Variants in CTNNA3 observed in about 807,000 individuals in gnomAD.
CTNNA3 encodes the protein catenin alpha 3.
In CTNNA3, 76 loss-of-function variants were observed where a neutral mutation model predicts 95.7. The observed-to-expected ratio is 0.79, with a 90% CI of 0.66 to 0.96. The LOEUF is 0.96. Among genes scored for constraint, CTNNA3 ranks in the 40% least tolerant of loss-of-function variants. CTNNA3 has a pLI of 0.00. For missense variants in CTNNA3, 1,191 were observed against 1,089.8 expected (o/e 1.09, Z -1.31); for synonymous variants, 431 against 374.4 (o/e 1.15, Z -1.74).
chr10:66,065,622 T>A (rs2080297893), intron 15 of CTNNA3, among the ~76,000 whole-genome samples: 1 of 152,092 alleles, frequency 6.6e-6, no homozygotes, highest in South Asian at 2.1e-4. Flanking sequence ...CTGCCCAGCA[T>A]CCTCCTTTGT....
chr10:66,181,075 G>C (rs2086015386), intron 13 of CTNNA3, among the ~76,000 whole-genome samples: 1 of 151,816 alleles, frequency 6.6e-6, no homozygotes, highest in Non-Finnish European at 1.5e-5. Context: ...ATCACTTAGA[G>C]GTAAGTGTGC....
intron 10 of CTNNA3, among the ~76,000 whole-genome samples, chr10:66,559,736 AACAC>A (rs1842495477): frequency 1.3e-5 from 2 of 151,960 alleles, no homozygotes; most frequent in Admixed American, 1.3e-4. Flanking sequence ...CATCTTTTAG[AACAC>A]AGTTTAAACC....
intron 14 of CTNNA3, among the ~76,000 whole-genome samples, chr10:66,102,093 A>G (rs2081656673): frequency 6.6e-6 from 1 of 152,154 alleles, no homozygotes; most frequent in African/African-American, 2.4e-5. Context: ...AAAACAGAGT[A>G]TGCGCCAGCC....
At chr10:66,169,710 C>T (rs117908552) in intron 13 of CTNNA3, among the ~76,000 whole-genome samples, 11,269 of 152,148 alleles carry the variant, frequency 0.074, 527 homozygotes, top group Admixed American at 0.12. Flanking sequence ...TTGATAATGG[C>T]CATTCTTGCA....
At chr10:67,735,905 C>T (rs1270172548) in intron 1 of CTNNA3, among the ~76,000 whole-genome samples, 1 of 151,884 alleles carries the variant, frequency 6.6e-6, no homozygotes, top group Admixed American at 6.6e-5. Flanking sequence ...AGAAATAATC[C>T]AATGATTAAT....
intron 7 of CTNNA3, among the ~76,000 whole-genome samples, chr10:66,936,509 T>C (rs1188918643): frequency 6.6e-6 from 1 of 152,148 alleles, no homozygotes; most frequent in African/African-American, 2.4e-5. Flanking sequence ...TTCTCTGTTG[T>C]TTTCTGCCTG....
chr10:67,284,332 A>C (rs1839511568), intron 5 of CTNNA3, among the ~76,000 whole-genome samples: 1 of 152,182 alleles, frequency 6.6e-6, no homozygotes, highest in Non-Finnish European at 1.5e-5. Flanking sequence ...AATTACATTT[A>C]GGAGTGAATT....
At chr10:66,592,418 G>T (rs1843583963) in intron 10 of CTNNA3, among the ~76,000 whole-genome samples, 1 of 152,174 alleles carries the variant, frequency 6.6e-6, no homozygotes, top group Admixed American at 6.5e-5. Context: ...AACCCTTTGT[G>T]TCAACCTCCT....
intron 17 of CTNNA3, among the ~76,000 whole-genome samples, chr10:65,959,111 C>G (rs933898790): frequency 6.6e-6 from 1 of 152,208 alleles, no homozygotes; most frequent in Non-Finnish European, 1.5e-5. Flanking sequence ...CCTCCCACAG[C>G]CTTGCTGCCA....
intron 13 of CTNNA3, among the ~76,000 whole-genome samples, chr10:66,231,851 A>G (rs893779471): frequency 1.3e-5 from 2 of 152,150 alleles, no homozygotes; most frequent in Admixed American, 6.6e-5. Context: ...TTAGCTGACA[A>G]ACAAAGCCCC....
chr10:66,274,969 C>T lies in CTNNA3; in HGVS notation c.1884+5501G>A, dbSNP rs570733935. 5.9e-5 allele frequency among the ~76,000 whole-genome samples: 9 copies of T among 151,708 alleles called. No individual in the cohort carries two copies. The South Asian group carries it at 8.3e-4, about 14-fold the overall frequency. On this transcript the variant is annotated intron_variant, in intron 13 of 17. Coordinates refer to ENST00000433211, the MANE Select transcript of CTNNA3 (RefSeq NM_013266.4). ...ATATTTGTTTTGTTAAAATTATTACCGCTTATTTTATAATTTTGGATGCTG... is the reference window on the plus strand; with the variant it reads ...ATATTTGTTTTGTTAAAATTATTACTGCTTATTTTATAATTTTGGATGCTG...
At chr10:65,993,551 A>G (rs1371966748) in intron 15 of CTNNA3, among the ~76,000 whole-genome samples, 1 of 152,234 alleles carries the variant, frequency 6.6e-6, no homozygotes, top group Non-Finnish European at 1.5e-5. Context: ...TTTATCAGAT[A>G]TAAGTAGAGA....
At chr10:65,999,908 C>T (rs1467018886) in intron 15 of CTNNA3, among the ~76,000 whole-genome samples, 3 of 143,100 alleles carry the variant, frequency 2.1e-5, no homozygotes, top group Non-Finnish European at 3.0e-5. Flanking sequence ...CTTTAATAAA[C>T]AGTGGTTACA....
intron 10 of CTNNA3, among the ~76,000 whole-genome samples, chr10:66,589,183 T>C (rs2605493): frequency 0.052 from 7,861 of 151,834 alleles, 611 homozygotes; most frequent in East Asian, 0.26. Flanking sequence ...GGGCTTCCAG[T>C]GATTCTTAGG....
chr10:67,594,754 T>G (rs1219757857), intron 3 of CTNNA3, among the ~76,000 whole-genome samples: 1 of 152,192 alleles, frequency 6.6e-6, no homozygotes, highest in Non-Finnish European at 1.5e-5. Flanking sequence ...TCCATGAGTT[T>G]TGGAGGAACA....
At chr10:66,417,096 A>C (rs4746578) in intron 11 of CTNNA3, among the ~76,000 whole-genome samples, 58,051 of 151,848 alleles carry the variant, frequency 0.38, 11,659 homozygotes, top group African/African-American at 0.5. Flanking sequence ...TATAGACTGA[A>C]TGAATGGATT....
At chr10:66,098,151 T>A (rs2081473958) in intron 14 of CTNNA3, 2 of 152,100 alleles carry the variant, frequency 1.3e-5, no homozygotes, top group Admixed American at 6.5e-5. Flanking sequence ...TTTAAATACA[T>A]CTAATTTTAA....
intron 5 of CTNNA3, among the ~76,000 whole-genome samples, chr10:67,462,534 G>A (rs1208056274): frequency 1.3e-5 from 2 of 152,156 alleles, no homozygotes; most frequent in Non-Finnish European, 2.9e-5. Flanking sequence ...AAAGAAAGAA[G>A]CAGAAAGTTT....
chr10:66,198,215 C>T (rs2087089163), intron 13 of CTNNA3, among the ~76,000 whole-genome samples: 2 of 152,112 alleles, frequency 1.3e-5, no homozygotes, highest in Non-Finnish European at 2.9e-5. Context: ...CATCTCTCAT[C>T]CAAGGAAAGC....
Sources: gnomAD v4.1 joint callset for allele counts (sites outside exome capture counted in the v4.1 genomes callset) on GRCh38, gnomAD v4.1.1 for gene constraint, MANE v1.5 for transcripts, NCBI Gene and HGNC (gene_info 2026-07-23, HGNC 2026-07-21) for gene names.